SCHIP1: variants seen among roughly 807,000 people sequenced by gnomAD.
SCHIP1 encodes the protein schwannomin-interacting protein 1.
In SCHIP1, 8 loss-of-function variants were observed where a neutral mutation model predicts 29.7. The observed-to-expected ratio is 0.27, with a 90% confidence interval of 0.16 to 0.49. SCHIP1 has a LOEUF of 0.49. Ranked by LOEUF, SCHIP1 falls within the 20% of genes least tolerant of loss-of-function variation. The pLI is 0.99. For synonymous variants in SCHIP1, 76 were observed against 94.9 expected, an observed-to-expected ratio of 0.80 and a Z score of 1.16; for missense variants, 193 against 294.6, an observed-to-expected ratio of 0.66 and a Z score of 2.52.
intron 1 of SCHIP1, among the ~76,000 whole-genome samples, chr3:159,863,208 C>T (rs993163559): frequency 9.2e-5 from 14 of 152,092 alleles, no homozygotes; most frequent in Non-Finnish European, 1.8e-4. Flanking sequence ...AGCGTAGTGG[C>T]GCGAGCCTGT....
At chr3:159,857,949 C>T (rs1713580498) in intron 1 of SCHIP1, among the ~76,000 whole-genome samples, 1 of 152,162 alleles carries the variant, frequency 6.6e-6, no homozygotes, top group Non-Finnish European at 1.5e-5. Context: ...TACTCCTCCC[C>T]ACCTTCTTTC....
At chr3:159,832,664 A>G in the SCHIP1 span, among the ~76,000 whole-genome samples, 2 of 152,198 alleles carry the variant, frequency 1.3e-5, no homozygotes, top group African/African-American at 4.8e-5. Context: ...GCGTCCCTGC[A>G]GTATTTGAAG....
the SCHIP1 span, among the ~76,000 whole-genome samples, chr3:159,450,879 G>T: frequency 6.7e-6 from 1 of 149,012 alleles, no homozygotes; most frequent in Non-Finnish European, 1.5e-5. Context: ...TGAGATCTCG[G>T]CTCACTGCAA....
chr3:159,365,966 T>C, the SCHIP1 span, among the ~76,000 whole-genome samples: 1 of 152,202 alleles, frequency 6.6e-6, no homozygotes, highest in Non-Finnish European at 1.5e-5. Flanking sequence ...ATCAGTTGTA[T>C]TAGACCGCTC....
At chr3:159,399,741 G>C in the SCHIP1 span, among the ~76,000 whole-genome samples, 3 of 152,224 alleles carry the variant, frequency 2.0e-5, no homozygotes, top group Admixed American at 2.0e-4. Flanking sequence ...CAGTGGCACA[G>C]TTACAGTTCA....
chr3:159,832,306 G>T, the SCHIP1 span, among the ~76,000 whole-genome samples: 87 of 152,066 alleles, frequency 5.7e-4, no homozygotes, highest in African/African-American at 1.9e-3. Context: ...AAGACTGAAT[G>T]AATGCCTGCC....
chr3:159,762,378 A>T, the SCHIP1 span, among the ~76,000 whole-genome samples: 8,925 of 152,134 alleles, frequency 0.059, 359 homozygotes, highest in South Asian at 0.21. Flanking sequence ...CACAGAAATC[A>T]CTTCAAAAAG....
the SCHIP1 span, among the ~76,000 whole-genome samples, chr3:159,349,005 A>G: frequency 1.9e-4 from 29 of 152,320 alleles, no homozygotes; most frequent in African/African-American, 6.7e-4. Flanking sequence ...TTTCCAGAAC[A>G]TTATTCATCT....
the SCHIP1 span, among the ~76,000 whole-genome samples, chr3:159,713,712 G>A: frequency 6.6e-6 from 1 of 152,194 alleles, no homozygotes; most frequent in African/African-American, 2.4e-5. Flanking sequence ...GGACTAATAA[G>A]AGAACCTAGC....
chr3:159,617,237 G>C, the SCHIP1 span, among the ~76,000 whole-genome samples: 1 of 152,162 alleles, frequency 6.6e-6, no homozygotes, highest in African/African-American at 2.4e-5. Context: ...CCAGAGTATG[G>C]TGCTTTGGCA....
At chr3:159,828,377 A>ATG in the SCHIP1 span, among the ~76,000 whole-genome samples, 1 of 73,668 alleles carries the variant, frequency 1.4e-5, no homozygotes, top group Non-Finnish European at 2.5e-5. Flanking sequence ...ATATATATAC[A>ATG]TATATATATA....
chr3:159,359,435 T>C, the SCHIP1 span, among the ~76,000 whole-genome samples: 558 of 152,270 alleles, frequency 3.7e-3, 5 homozygotes, highest in African/African-American at 0.013. Flanking sequence ...TTTGGATTCC[T>C]GAGTCTTTAT....
chr3:159,806,533 G>A, the SCHIP1 span, among the ~76,000 whole-genome samples: 6 of 152,222 alleles, frequency 3.9e-5, no homozygotes, highest in Non-Finnish European at 7.3e-5. Context: ...TTTCAGGATT[G>A]GAGAAACTTT....
the SCHIP1 span, among the ~76,000 whole-genome samples, chr3:159,822,722 C>T: frequency 6.6e-6 from 1 of 150,604 alleles, no homozygotes; most frequent in Non-Finnish European, 1.5e-5. Context: ...TGGAAAATGA[C>T]TCTTCAAGAC....
chr3:159,886,507 T>A, intron 3 of SCHIP1, 183 bp downstream of exon 4: 1 of 540,708 alleles, frequency 1.8e-6, no homozygotes, highest in Non-Finnish European at 3.3e-6. Flanking sequence ...AAAATAGAGA[T>A]ATATAAGCTT....
the SCHIP1 span, chr3:159,765,162 C>A: frequency 6.5e-7 from 1 of 1,539,862 alleles, no homozygotes; most frequent in East Asian, 2.5e-5. Context: ...GGTGCGTGCC[C>A]ACGCGCGCAC....
chr3:159,425,251 T>G, the SCHIP1 span, among the ~76,000 whole-genome samples: 1 of 152,136 alleles, frequency 6.6e-6, no homozygotes, highest in African/African-American at 2.4e-5. Context: ...ACTGGCAAAT[T>G]GGATAAAGAG....
At chr3:159,706,838 A>T in the SCHIP1 span, among the ~76,000 whole-genome samples, 1 of 152,168 alleles carries the variant, frequency 6.6e-6, no homozygotes, top group African/African-American at 2.4e-5. Flanking sequence ...GGTGAGTGGG[A>T]TGGGGTGACT....
the SCHIP1 span, among the ~76,000 whole-genome samples, chr3:159,338,189 A>T: frequency 6.6e-6 from 1 of 152,218 alleles, no homozygotes. Context: ...AATAGAAAAT[A>T]CATAATTGAA....
Sources: allele counts gnomAD v4.1 joint callset (sites outside exome capture counted in the v4.1 genomes callset), GRCh38; gene constraint gnomAD v4.1.1; transcripts MANE v1.5; gene names NCBI Gene and HGNC (gene_info 2026-07-23, HGNC 2026-07-21).